TASP1: variants seen among roughly 807,000 people sequenced by gnomAD.
The protein encoded by TASP1 is taspase 1, also known as threonine aspartase 1.
TASP1 carries 16 observed loss-of-function variants against 56.6 expected under a neutral mutation model. The observed-to-expected ratio is 0.28, with a 90% CI of 0.19 to 0.43. TASP1 has a LOEUF of 0.43. TASP1 is among the 20% of genes least tolerant of loss of function. The pLI is 1.00. For missense variants in TASP1, 393 were observed against 511.6 expected, an observed-to-expected ratio of 0.77 and a Z score of 2.24; for synonymous variants, 179 against 184.2, an observed-to-expected ratio of 0.97 and a Z score of 0.23.
At chr20:13,246,946 ATG>A in the TASP1 span, among the ~76,000 whole-genome samples, 5,523 of 152,116 alleles carry the variant, frequency 0.036, 171 homozygotes, top group African/African-American at 0.077. Flanking sequence ...AAATATATAT[ATG>A]TATAGTGCCG....
intron 10 of TASP1, among the ~76,000 whole-genome samples, chr20:13,522,776 G>GA (rs2044815175): frequency 6.6e-6 from 1 of 152,084 alleles, no homozygotes; most frequent in Admixed American, 6.6e-5. Flanking sequence ...GGTATACAAA[G>GA]AAAGAGAGAA....
the TASP1 span, among the ~76,000 whole-genome samples, chr20:13,271,140 A>T: frequency 6.6e-6 from 1 of 152,242 alleles, no homozygotes; most frequent in Admixed American, 6.5e-5. Context: ...CTGTGAATAG[A>T]TTGGGCAAAT....
chr20:13,428,018 G>T (rs2042676298), intron 12 of TASP1, among the ~76,000 whole-genome samples: 1 of 152,124 alleles, frequency 6.6e-6, no homozygotes, highest in Non-Finnish European at 1.5e-5. Flanking sequence ...ATCTGTTTAG[G>T]ATGAAGAACT....
chr20:13,560,404 C>T (rs1395469112), intron 7 of TASP1, among the ~76,000 whole-genome samples: 5 of 152,134 alleles, frequency 3.3e-5, no homozygotes, highest in Admixed American at 2.0e-4. Context: ...GACTAAATGG[C>T]ATCAAGGAGA....
At chr20:13,595,353 A>G (rs960023027) in intron 4 of TASP1, among the ~76,000 whole-genome samples, 6 of 152,244 alleles carry the variant, frequency 3.9e-5, no homozygotes, top group Admixed American at 2.0e-4. Flanking sequence ...TCATAATGAC[A>G]GGATCAAATT....
chr20:13,446,855 C>T (rs2043430737), intron 11 of TASP1, among the ~76,000 whole-genome samples: 1 of 152,148 alleles, frequency 6.6e-6, no homozygotes, highest in South Asian at 2.1e-4. Context: ...TCTCAGCACA[C>T]ACAAATTTAG....
At chr20:13,282,940 C>G in the TASP1 span, among the ~76,000 whole-genome samples, 23 of 152,350 alleles carry the variant, frequency 1.5e-4, no homozygotes. Flanking sequence ...AATGAGTGAT[C>G]ATTGCTTCCC....
chr20:13,268,066 C>T, the TASP1 span, among the ~76,000 whole-genome samples: 2 of 151,598 alleles, frequency 1.3e-5, no homozygotes, highest in African/African-American at 2.4e-5. Flanking sequence ...GGGATGTCAT[C>T]GAGAAATCTT....
At chr20:13,267,153 A>G in the TASP1 span, among the ~76,000 whole-genome samples, 3 of 152,190 alleles carry the variant, frequency 2.0e-5, no homozygotes, top group Non-Finnish European at 4.4e-5. Context: ...ATTTCTTAAC[A>G]GCTTGGGGGC....
At chr20:13,395,847 G>A (rs187906882) in intron 13 of TASP1, among the ~76,000 whole-genome samples, 18 of 151,910 alleles carry the variant, frequency 1.2e-4, no homozygotes, top group Admixed American at 5.2e-4. Flanking sequence ...GACTATAGGC[G>A]CGTGCCACTA....
intron 12 of TASP1, among the ~76,000 whole-genome samples, chr20:13,430,395 C>A (rs182960767): frequency 6.6e-6 from 1 of 152,328 alleles, no homozygotes; most frequent in East Asian, 1.9e-4. Context: ...TTGCCATAGA[C>A]TGCTGTCACC....
chr20:13,175,015 G>T, the TASP1 span, among the ~76,000 whole-genome samples: 1 of 152,080 alleles, frequency 6.6e-6, no homozygotes, highest in Non-Finnish European at 1.5e-5. Flanking sequence ...ATGTGACTTT[G>T]CTCTTCATTC....
intron 5 of TASP1, 36 bp from the exon 6 acceptor site, chr20:13,581,017 T>A: frequency 6.4e-7 from 1 of 1,568,518 alleles, no homozygotes; most frequent in Non-Finnish European, 8.7e-7. Flanking sequence ...AAAAAAGATG[T>A]CAGAAATGTC....
chr20:13,364,169 T>C, the TASP1 span, among the ~76,000 whole-genome samples: 3 of 152,240 alleles, frequency 2.0e-5, no homozygotes, highest in Non-Finnish European at 4.4e-5. Context: ...TTTTCTTCCT[T>C]GTCTGCAGAT....
At chr20:13,407,502 C>CT (rs1474200690) in intron 13 of TASP1, among the ~76,000 whole-genome samples, 1 of 152,088 alleles carries the variant, frequency 6.6e-6, no homozygotes, top group Non-Finnish European at 1.5e-5. Flanking sequence ...ATTGTTTCTT[C>CT]TTTTTTTGCT....
the TASP1 span, among the ~76,000 whole-genome samples, chr20:13,220,468 C>T: frequency 1.3e-5 from 2 of 152,220 alleles, no homozygotes; most frequent in Non-Finnish European, 2.9e-5. Flanking sequence ...CGACGCCAGC[C>T]CCCAAATCCC....
intron 4 of TASP1, among the ~76,000 whole-genome samples, chr20:13,609,282 G>A (rs549410507): frequency 6.6e-6 from 1 of 152,236 alleles, no homozygotes; most frequent in African/African-American, 2.4e-5. Flanking sequence ...GACAAAAACA[G>A]AAAATAGTAA....
chr20:13,152,717 A>G, the TASP1 span, among the ~76,000 whole-genome samples: 3 of 152,150 alleles, frequency 2.0e-5, no homozygotes, highest in Non-Finnish European at 4.4e-5. Flanking sequence ...TGGCCCTCAT[A>G]CCACCTTGTA....
chr20:13,267,521 G>A, the TASP1 span, among the ~76,000 whole-genome samples: 1 of 152,098 alleles, frequency 6.6e-6, no homozygotes, highest in Non-Finnish European at 1.5e-5. Flanking sequence ...GAGGGTACAG[G>A]GCTCTTCTTA....
Sources: gnomAD v4.1 joint callset for allele counts (sites outside exome capture counted in the v4.1 genomes callset) on GRCh38, gnomAD v4.1.1 for gene constraint, MANE v1.5 for transcripts, NCBI Gene and HGNC (gene_info 2026-07-23, HGNC 2026-07-21) for gene names.